CTNNA3: variants seen among roughly 807,000 people sequenced by gnomAD.
CTNNA3 encodes the protein catenin alpha-3.
Under a neutral mutation model 95.7 loss-of-function variants are expected in CTNNA3, and 76 were observed. The observed-to-expected ratio is 0.79, with a 90% CI of 0.66 to 0.96. The LOEUF is 0.96. Ranked by LOEUF, CTNNA3 falls within the 40% of genes least tolerant of loss-of-function variation. The pLI is 0.00. For missense variants in CTNNA3, 1,191 were observed against 1,089.8 expected, an observed-to-expected ratio of 1.09 and a Z score of -1.31; for synonymous variants, 431 against 374.4, an observed-to-expected ratio of 1.15 and a Z score of -1.74.
chr10:66,657,077 AT>A (rs1011782271), intron 9 of CTNNA3, among the ~76,000 whole-genome samples: 1 of 152,056 alleles, frequency 6.6e-6, no homozygotes, highest in Admixed American at 6.5e-5. Flanking sequence ...TAATGAGAAG[AT>A]TTTATTTTCT....
At position 67,566,414 on chromosome 10, in the gene CTNNA3, G is replaced by T. The variant is rs528603625; in HGVS notation, c.293-26745C>A. On this transcript the variant is annotated intron_variant, in intron 3 of 17. Transcript: ENST00000433211. ...GACATTTATGCAGCCAAAAACACATGAAAAAATGCTCATCATCACTGGCCA... is the reference window on the plus strand; with the variant it reads ...GACATTTATGCAGCCAAAAACACATTAAAAAATGCTCATCATCACTGGCCA... 2.2e-3 allele frequency among the ~76,000 whole-genome samples: 338 copies of T among 151,880 alleles called. 2 individuals carry two copies. The highest frequency in any genetic ancestry group is 7.8e-3 in the African/African-American group (322 of 41,428).
At chr10:67,683,801 T>C (rs1197900793) in intron 1 of CTNNA3, among the ~76,000 whole-genome samples, 1 of 152,052 alleles carries the variant, frequency 6.6e-6, no homozygotes, top group African/African-American at 2.4e-5. Context: ...GGGTTCACGG[T>C]CTTGCTGACT....
chr10:67,736,416 A>C (rs1245858712), intron 1 of CTNNA3, among the ~76,000 whole-genome samples: 3 of 151,998 alleles, frequency 2.0e-5, no homozygotes, highest in Non-Finnish European at 4.4e-5. Flanking sequence ...CAAGTACTTA[A>C]ATGGTAAATT....
Position 66,966,940 on chromosome 10 carries a change from GA to G in CTNNA3, c.1048-191417del, listed in dbSNP as rs1187016645. On this transcript the variant is annotated intron_variant, in intron 7 of 17. Coordinates refer to ENST00000433211, the MANE Select transcript of CTNNA3 (RefSeq NM_013266.4). ...CAAATTCAACTAAATGGGAGAATTA[GA>G]AGAGAAATTTTTTGTATTTGGATAT... Among the ~76,000 whole-genome samples, 4 of 152,088 alleles carry G rather than the reference GA, an allele frequency of 2.6e-5. No homozygotes were observed. In the East Asian group the frequency reaches 5.8e-4, roughly 22 times the overall value.
intron 10 of CTNNA3, among the ~76,000 whole-genome samples, chr10:66,540,079 T>A (rs978550233): frequency 1.3e-5 from 2 of 151,998 alleles, no homozygotes; most frequent in African/African-American, 4.8e-5. Flanking sequence ...TAAATAACAA[T>A]AATAAGAAGA....
chr10:66,447,551 C>T (rs2093431901), intron 11 of CTNNA3, among the ~76,000 whole-genome samples: 1 of 151,748 alleles, frequency 6.6e-6, no homozygotes, highest in Non-Finnish European at 1.5e-5. Context: ...CTTTGACAAA[C>T]CTGAAAAAAA....
At chr10:66,492,636 T>G (rs1839963435) in intron 11 of CTNNA3, among the ~76,000 whole-genome samples, 1 of 152,160 alleles carries the variant, frequency 6.6e-6, no homozygotes, top group African/African-American at 2.4e-5. Context: ...TTCCTTTCAT[T>G]TCTCCAGCAC....
At chr10:67,311,457 T>C (rs1244182286) in intron 5 of CTNNA3, among the ~76,000 whole-genome samples, 1 of 152,178 alleles carries the variant, frequency 6.6e-6, no homozygotes, top group Non-Finnish European at 1.5e-5. Context: ...GATCTGTGGT[T>C]GCCTGTGGCT....
rs180672668 is a variant in CTNNA3, at chr10:65,920,961, G to A, written c.2401-344C>T. On this transcript the variant is annotated intron_variant, in intron 17 of 17. Coordinates refer to ENST00000433211, the MANE Select transcript of CTNNA3 (RefSeq NM_013266.4). ...CATTTTTTTGTATCTAGATGGATAA[G>A]TGATTATGTTCAATTAACTCTTATG... Among the ~76,000 whole-genome samples the A allele has an allele frequency of 2.6e-5, 4 of 152,290 alleles. No homozygotes were observed. The East Asian group carries it at 7.7e-4, about 29-fold the overall frequency.
At chr10:66,430,844 C>T (rs1304438033) in intron 11 of CTNNA3, among the ~76,000 whole-genome samples, 2 of 152,120 alleles carry the variant, frequency 1.3e-5, no homozygotes, top group South Asian at 2.1e-4. Flanking sequence ...TAGGCATGGG[C>T]AAGGACTTCA....
chr10:66,116,420 T>C (rs1380629809), intron 13 of CTNNA3, among the ~76,000 whole-genome samples: 4 of 152,216 alleles, frequency 2.6e-5, no homozygotes, highest in African/African-American at 9.6e-5. Context: ...TCACACAGAC[T>C]TGTATACAAA....
intron 1 of CTNNA3, among the ~76,000 whole-genome samples, chr10:67,679,528 A>G (rs1840589132): frequency 1.3e-5 from 2 of 152,342 alleles, no homozygotes; most frequent in Admixed American, 6.5e-5. Flanking sequence ...TAAAAAGTAA[A>G]ACCAAATTCT....
chr10:66,360,727 T>TCTTC lies in CTNNA3; in HGVS notation c.1732+18424_1732+18425insGAAG, dbSNP rs2092657229. ...TTCTTTCCTCCTTCCTTTCTTCCTT[T>TCTTC]CTTTCTTTCTTTCTTTCTTCCTTCC... On this transcript the variant is annotated intron_variant, in intron 12 of 17. Coordinates refer to ENST00000433211, the MANE Select transcript of CTNNA3 (RefSeq NM_013266.4). Among the ~76,000 whole-genome samples the TCTTC allele has an allele frequency of 1.1e-4, 2 of 17,606 alleles. 1 individual carries two copies. The highest frequency in any genetic ancestry group is 7.5e-3 in the South Asian group (2 of 268). 11.6% of individuals were successfully genotyped at this position (17,606 alleles called of 152,430 possible).
At position 66,688,099 on chromosome 10, in the gene CTNNA3, C is replaced by T. The variant is rs554220835; in HGVS notation, c.1282-66315G>A. ...TATAAAATCTAAAAGAAGATTCCTA[C>T]CCTTGCATTTTGACTTCTTCCCTGG... On this transcript the variant is annotated intron_variant, in intron 9 of 17. Coordinates refer to ENST00000433211, the MANE Select transcript of CTNNA3 (RefSeq NM_013266.4). 5.3e-5 allele frequency among the ~76,000 whole-genome samples: 8 copies of T among 152,150 alleles called. No homozygotes were observed. In the South Asian group the frequency reaches 1.7e-3, roughly 32 times the overall value.
chr10:66,022,061 C>T (rs1246062250), intron 15 of CTNNA3, among the ~76,000 whole-genome samples: 3 of 151,696 alleles, frequency 2.0e-5, no homozygotes, highest in Non-Finnish European at 2.9e-5. Flanking sequence ...TCTTGCTATG[C>T]TGCCAAGGCT....
chr10:67,425,420 T>C (rs931586669), intron 5 of CTNNA3, among the ~76,000 whole-genome samples: 1 of 151,892 alleles, frequency 6.6e-6, no homozygotes, highest in African/African-American at 2.4e-5. Context: ...CAAAAAGAGA[T>C]GGGTGATCAG....
chr10:66,766,247 A>G lies in CTNNA3; in HGVS notation c.1281+17T>C. On this transcript the variant is annotated intron_variant, in intron 9 of 17. Transcript: ENST00000433211. ...ATTCTCCTGGACTTTAGTGAGTTAC[A>G]GTTCTAGCATGCTTACCTCTACAAG... 1 of 1,610,488 alleles carries G rather than the reference A, an allele frequency of 6.2e-7. No individual in the cohort carries two copies. The highest frequency in any genetic ancestry group is 8.5e-7 in the Non-Finnish European group (1 of 1,177,426).
chr10:66,229,648 T>A (rs2089488229), intron 13 of CTNNA3, among the ~76,000 whole-genome samples: 1 of 152,176 alleles, frequency 6.6e-6, no homozygotes, highest in South Asian at 2.1e-4. Context: ...CTTGCTGTTT[T>A]TAGATTCTCC....
At chr10:66,634,641 T>C (rs903356070) in intron 9 of CTNNA3, among the ~76,000 whole-genome samples, 4 of 151,016 alleles carry the variant, frequency 2.6e-5, no homozygotes, top group Non-Finnish European at 5.9e-5. Flanking sequence ...ATTCTTATGA[T>C]TGAATAATTA....
Sources: gnomAD v4.1 joint callset for allele counts (sites outside exome capture counted in the v4.1 genomes callset) on GRCh38, gnomAD v4.1.1 for gene constraint, MANE v1.5 for transcripts, NCBI Gene and HGNC (gene_info 2026-07-23, HGNC 2026-07-21) for gene names.